The following KHDRBS2 variants were observed in gnomAD, a reference collection of about 807,000 sequenced individuals.
KHDRBS2 encodes KH RNA binding domain containing, signal transduction associated 2, also known as KH domain-containing, RNA-binding, signal transduction-associated protein 2.
Under a neutral mutation model 44.3 loss-of-function variants are expected in KHDRBS2, and 26 were observed. The observed-to-expected ratio is 0.59, with a 90% CI of 0.43 to 0.81. The LOEUF is 0.81. Ranked by LOEUF, KHDRBS2 falls within the 40% of genes least tolerant of loss-of-function variation. The pLI is 0.00. For missense variants in KHDRBS2, 476 were observed against 433.1 expected, an observed-to-expected ratio of 1.10 and a Z score of -0.88; for synonymous variants, 194 against 151.1, an observed-to-expected ratio of 1.28 and a Z score of -2.08.
chr6:62,128,840 T>C lies in KHDRBS2; in HGVS notation c.219+48345A>G, dbSNP rs369034901. On this transcript the variant is annotated intron_variant, in intron 2 of 8. Coordinates refer to ENST00000281156, the MANE Select transcript of KHDRBS2 (RefSeq NM_152688.4). ...AATCATATCCCAGCCAACATATAGA[T>C]TAATATAAAATTAAAGGCAAATTTG... Among the ~76,000 whole-genome samples, 255 of 152,176 alleles carry C rather than the reference T, an allele frequency of 1.7e-3. 7 individuals are homozygous for C. The South Asian group carries it at 0.05, about 30-fold the overall frequency.
the KHDRBS2 span, among the ~76,000 whole-genome samples, chr6:61,585,951 GA>G: frequency 1.3e-5 from 2 of 152,142 alleles, no homozygotes; most frequent in African/African-American, 2.4e-5. Flanking sequence ...TCATGAATGA[GA>G]AAGCATGATA....
At chr6:62,021,462 G>C (rs1782291811) in intron 3 of KHDRBS2, among the ~76,000 whole-genome samples, 1 of 151,772 alleles carries the variant, frequency 6.6e-6, no homozygotes, top group South Asian at 2.1e-4. Flanking sequence ...ATACAGTTGG[G>C]TCTTGTGTGT....
At chr6:61,635,192 C>T in the KHDRBS2 span, among the ~76,000 whole-genome samples, 1 of 151,802 alleles carries the variant, frequency 6.6e-6, no homozygotes, top group Non-Finnish European at 1.5e-5. Flanking sequence ...TTTAAAAATG[C>T]AGTTTAAGAA....
intron 6 of KHDRBS2, among the ~76,000 whole-genome samples, chr6:61,779,806 T>C (rs1192073): frequency 0.65 from 98,946 of 151,876 alleles, 32,899 homozygotes; most frequent in African/African-American, 0.79. Flanking sequence ...GACTATTCAT[T>C]CCATTGATAA....
At chr6:61,990,653 C>A (rs970082316) in intron 3 of KHDRBS2, among the ~76,000 whole-genome samples, 1 of 151,886 alleles carries the variant, frequency 6.6e-6, no homozygotes, top group Non-Finnish European at 1.5e-5. Flanking sequence ...CTGAGTACTT[C>A]ACACACATAA....
At chr6:62,213,149 A>G (rs1448282764) in intron 1 of KHDRBS2, among the ~76,000 whole-genome samples, 4 of 152,200 alleles carry the variant, frequency 2.6e-5, no homozygotes, top group African/African-American at 4.8e-5. Flanking sequence ...ATCCGTTCAT[A>G]ATAGCTATCA....
intron 7 of KHDRBS2, among the ~76,000 whole-genome samples, chr6:61,720,033 G>T (rs1391241511): frequency 6.6e-6 from 1 of 151,888 alleles, no homozygotes; most frequent in Non-Finnish European, 1.5e-5. Flanking sequence ...GCGGTGTTTG[G>T]TTTTTTGTTC....
chr6:62,135,161 C>T (rs1160804280), intron 2 of KHDRBS2, among the ~76,000 whole-genome samples: 1 of 152,096 alleles, frequency 6.6e-6, no homozygotes, highest in African/African-American at 2.4e-5. Context: ...GTGGGAGGGA[C>T]CCAGTGGGAG....
At position 62,106,971 on chromosome 6, in the gene KHDRBS2, C is replaced by A. The variant is rs189482060; in HGVS notation, c.220-58977G>T. 3.0e-3 allele frequency among the ~76,000 whole-genome samples: 451 copies of A among 152,188 alleles called. 2 individuals are homozygous for A. Among genetic ancestry groups the A allele is most frequent in the Non-Finnish European group, 5.4e-3 (365 of 68,016 alleles). The stretch of plus-strand genomic sequence containing the variant: ...AATAATAAGAGCCATCTAAGACAAA[C>A]CCACAGCCAATATCATACTGAATGG... On this transcript the variant is annotated intron_variant, in intron 2 of 8. Coordinates refer to ENST00000281156, the MANE Select transcript of KHDRBS2 (RefSeq NM_152688.4).
chr6:61,803,811 A>G (rs1786680883), intron 6 of KHDRBS2, among the ~76,000 whole-genome samples: 1 of 152,094 alleles, frequency 6.6e-6, no homozygotes, highest in Admixed American at 6.6e-5. Flanking sequence ...ATCCCCTTAT[A>G]AAACCATCAG....
chr6:62,050,161 G>C (rs537298278), intron 2 of KHDRBS2, among the ~76,000 whole-genome samples: 27 of 152,162 alleles, frequency 1.8e-4, no homozygotes, highest in African/African-American at 6.5e-4. Flanking sequence ...GTTGAAGCTG[G>C]AAACCATCAT....
chr6:61,628,422 T>C, the KHDRBS2 span, among the ~76,000 whole-genome samples: 3,719 of 152,194 alleles, frequency 0.024, 70 homozygotes, highest in Middle Eastern at 0.088. Context: ...ATATGTTGAA[T>C]AAATGTCTCC....
chr6:61,613,618 C>G, the KHDRBS2 span, among the ~76,000 whole-genome samples: 1 of 148,962 alleles, frequency 6.7e-6, no homozygotes, highest in African/African-American at 2.5e-5. Context: ...TACAATCTTG[C>G]TTTATTTGGC....
At chr6:62,259,913 TC>T (rs1402710874) in intron 1 of KHDRBS2, among the ~76,000 whole-genome samples, 3 of 152,074 alleles carry the variant, frequency 2.0e-5, no homozygotes, top group Non-Finnish European at 4.4e-5. Context: ...ATTGTACAGT[TC>T]TATAAGTCTA....
intron 4 of KHDRBS2, among the ~76,000 whole-genome samples, chr6:61,936,671 T>C (rs1026875409): frequency 1.3e-5 from 2 of 152,020 alleles, no homozygotes; most frequent in African/African-American, 4.8e-5. Context: ...CTCTTGTTTA[T>C]AGGTTTGAAA....
chr6:62,210,984 C>G (rs1371528789), intron 1 of KHDRBS2, among the ~76,000 whole-genome samples: 6 of 151,978 alleles, frequency 3.9e-5, no homozygotes. Context: ...CAAACCCAAC[C>G]TAAATTCTTT....
At chr6:62,022,389 A>T (rs749563797) in intron 3 of KHDRBS2, among the ~76,000 whole-genome samples, 4 of 151,710 alleles carry the variant, frequency 2.6e-5, no homozygotes, top group Non-Finnish European at 4.4e-5. Context: ...TGAGTTAACC[A>T]ACCTGTCTGT....
At chr6:61,754,490 A>G (rs924064311) in intron 6 of KHDRBS2, among the ~76,000 whole-genome samples, 13 of 152,120 alleles carry the variant, frequency 8.5e-5, no homozygotes, top group Non-Finnish European at 1.8e-4. Context: ...CTGGACAACA[A>G]ATCTGTCACA....
Position 62,027,099 on chromosome 6 carries a change from T to C in KHDRBS2, c.336+20779A>G, listed in dbSNP as rs553667755. On this transcript the variant is annotated intron_variant, in intron 3 of 8. Coordinates refer to ENST00000281156, the MANE Select transcript of KHDRBS2 (RefSeq NM_152688.4). ...AGATTCATCTCTGGAACTTAAGAAA[T>C]AACTGTTCACTTTAGAAATAAGCAG... Among the ~76,000 whole-genome samples, 79 of 152,122 alleles carry C rather than the reference T, an allele frequency of 5.2e-4. 1 individual carries two copies. The highest frequency in any genetic ancestry group is 4.1e-3 in the South Asian group (20 of 4,820).
Sources: allele counts gnomAD v4.1 joint callset (sites outside exome capture counted in the v4.1 genomes callset), GRCh38; gene constraint gnomAD v4.1.1; transcripts MANE v1.5; gene names NCBI Gene and HGNC (gene_info 2026-07-23, HGNC 2026-07-21).